GPATCH2: variants seen among roughly 807,000 people sequenced by gnomAD.
GPATCH2 encodes G-patch domain containing 2, also known as G patch domain-containing protein 2.
In GPATCH2, 51 loss-of-function variants were observed where a neutral mutation model predicts 58.0. The observed-to-expected ratio is 0.88, with a 90% confidence interval of 0.70 to 1.11. GPATCH2 has a LOEUF of 1.11. GPATCH2 is among the 50% of genes most tolerant of loss of function. GPATCH2 has a pLI of 0.00. For synonymous variants in GPATCH2, 222 were observed against 218.5 expected, an observed-to-expected ratio of 1.02 and a Z score of -0.14; for missense variants, 625 against 652.2, an observed-to-expected ratio of 0.96 and a Z score of 0.45.
intron 9 of GPATCH2, among the ~76,000 whole-genome samples, chr1:217,439,779 T>C (rs1166753942): frequency 6.6e-6 from 1 of 152,172 alleles, no homozygotes; most frequent in Non-Finnish European, 1.5e-5. Flanking sequence ...AATGGATAAA[T>C]TCCTGGACAC....
At chr1:217,616,789 T>A (rs899124569) in intron 2 of GPATCH2, among the ~76,000 whole-genome samples, 2 of 152,154 alleles carry the variant, frequency 1.3e-5, no homozygotes, top group African/African-American at 4.8e-5. Flanking sequence ...ATATTCCACA[T>A]ATGCTGGATG....
intron 9 of GPATCH2, among the ~76,000 whole-genome samples, chr1:217,437,542 G>C (rs892381401): frequency 1.3e-5 from 2 of 152,196 alleles, no homozygotes; most frequent in African/African-American, 4.8e-5. Context: ...TTTGAATTTG[G>C]TGGGGGAAGG....
At chr1:217,460,279 C>T (rs926238687) in intron 8 of GPATCH2, among the ~76,000 whole-genome samples, 28 of 152,202 alleles carry the variant, frequency 1.8e-4, no homozygotes, top group African/African-American at 6.5e-4. Context: ...ACTACTTTTC[C>T]CCCGTACCTT....
intron 8 of GPATCH2, among the ~76,000 whole-genome samples, chr1:217,486,467 C>G (rs1436477150): frequency 1.3e-5 from 2 of 152,128 alleles, no homozygotes; most frequent in Non-Finnish European, 2.9e-5. Context: ...CTAGCATGAT[C>G]ATGGCTCACT....
intron 5 of GPATCH2, among the ~76,000 whole-genome samples, chr1:217,594,075 TA>T (rs1667710315): frequency 6.6e-6 from 1 of 152,134 alleles, no homozygotes; most frequent in African/African-American, 2.4e-5. Context: ...AACAATTATT[TA>T]ACATCTAGAT....
chr1:217,493,113 T>C (rs1661829737), intron 7 of GPATCH2, among the ~76,000 whole-genome samples: 1 of 152,290 alleles, frequency 6.6e-6, no homozygotes, highest in South Asian at 2.1e-4. Context: ...CATCCCAGTT[T>C]AGACCACCAT....
chr1:217,433,379 TATA>T (rs1658644538), intron 9 of GPATCH2, among the ~76,000 whole-genome samples: 2 of 49,754 alleles, frequency 4.0e-5, no homozygotes, highest in East Asian at 2.6e-4. Context: ...TATATATATA[TATA>T]TATTTATTTA....
intron 5 of GPATCH2, among the ~76,000 whole-genome samples, chr1:217,600,845 GAA>G (rs1269738451): frequency 6.6e-6 from 1 of 151,988 alleles, no homozygotes; most frequent in Admixed American, 6.6e-5. Flanking sequence ...ATACAAAAAA[GAA>G]AAGTTTTAAA....
At chr1:217,565,495 C>T (rs1289595287) in intron 5 of GPATCH2, among the ~76,000 whole-genome samples, 2 of 152,106 alleles carry the variant, frequency 1.3e-5, no homozygotes, top group Non-Finnish European at 2.9e-5. Flanking sequence ...TGAGCAAAAA[C>T]AGGCATGGAC....
At chr1:217,443,010 T>C (rs1210304693) in intron 9 of GPATCH2, among the ~76,000 whole-genome samples, 1 of 152,190 alleles carries the variant, frequency 6.6e-6, no homozygotes, top group Admixed American at 6.5e-5. Flanking sequence ...AAAGTCAACA[T>C]GCATATCTTG....
intron 2 of GPATCH2, among the ~76,000 whole-genome samples, chr1:217,614,519 C>T (rs1668789268): frequency 6.6e-6 from 1 of 151,884 alleles, no homozygotes; most frequent in Non-Finnish European, 1.5e-5. Context: ...TCCTTTCTTA[C>T]GTCATGCAAT....
intron 5 of GPATCH2, among the ~76,000 whole-genome samples, chr1:217,537,027 G>A (rs774919356): frequency 2.6e-5 from 4 of 152,094 alleles, no homozygotes; most frequent in Non-Finnish European, 5.9e-5. Context: ...GCTTTGATAA[G>A]TCACTTTAAG....
At chr1:217,590,610 A>G (rs1267870011) in intron 5 of GPATCH2, among the ~76,000 whole-genome samples, 2 of 152,216 alleles carry the variant, frequency 1.3e-5, no homozygotes, top group Non-Finnish European at 2.9e-5. Context: ...TGGCCATCAT[A>G]GCATCTAAAG....
At position 217,526,480 on chromosome 1, in the gene GPATCH2, G is replaced by C. The variant is rs115197488; in HGVS notation, c.1099-11591C>G. Among the ~76,000 whole-genome samples, 612 of 152,286 alleles carry C rather than the reference G, an allele frequency of 4.0e-3. 4 individuals are homozygous for C. Among genetic ancestry groups the C allele is most frequent in the African/African-American group, 0.014 (585 of 41,558 alleles). On this transcript the variant is annotated intron_variant, in intron 5 of 9. Coordinates refer to ENST00000366935, the MANE Select transcript of GPATCH2 (RefSeq NM_018040.5). ...TATTGCAAACTATTCTTTGCGGTAT[G>C]AATAAATGAGTGAATGAGTTAATTA...
chr1:217,543,345 C>T (rs1664853199), intron 5 of GPATCH2, among the ~76,000 whole-genome samples: 1 of 149,340 alleles, frequency 6.7e-6, no homozygotes, highest in Non-Finnish European at 1.5e-5. Flanking sequence ...TCTCGGCTCA[C>T]TGCAAGCTCC....
chr1:217,554,969 G>A (rs1400170355), intron 5 of GPATCH2, among the ~76,000 whole-genome samples: 4 of 152,162 alleles, frequency 2.6e-5, no homozygotes, highest in African/African-American at 9.7e-5. Flanking sequence ...GCTACAAAGA[G>A]TAGGAACTTT....
intron 5 of GPATCH2, among the ~76,000 whole-genome samples, chr1:217,595,085 G>C (rs919660586): frequency 1.3e-5 from 2 of 152,180 alleles, no homozygotes; most frequent in Non-Finnish European, 2.9e-5. Flanking sequence ...CCTAAAAACA[G>C]TCAATTCCAA....
intron 5 of GPATCH2, among the ~76,000 whole-genome samples, chr1:217,557,254 A>G (rs1665681656): frequency 6.6e-6 from 1 of 152,022 alleles, no homozygotes; most frequent in African/African-American, 2.4e-5. Flanking sequence ...TAAAAATACA[A>G]AAATTGGCTG....
intron 1 of GPATCH2, among the ~76,000 whole-genome samples, chr1:217,624,646 G>A: frequency 6.6e-6 from 1 of 152,322 alleles, no homozygotes; most frequent in African/African-American, 2.4e-5. Flanking sequence ...TTATCCTAGA[G>A]ATAGTTTCTT....
Sources: gnomAD v4.1 joint callset for allele counts (sites outside exome capture counted in the v4.1 genomes callset) on GRCh38, gnomAD v4.1.1 for gene constraint, MANE v1.5 for transcripts, NCBI Gene and HGNC (gene_info 2026-07-23, HGNC 2026-07-21) for gene names.